The following KCNN3 variants were observed in gnomAD, a reference collection of about 807,000 sequenced individuals.
The protein encoded by KCNN3 is potassium calcium-activated channel subfamily N member 3.
Under a neutral mutation model 62.9 loss-of-function variants are expected in KCNN3, and 16 were observed. That is an observed-to-expected ratio of 0.25 (90% CI 0.17 to 0.39). The LOEUF (loss-of-function observed/expected upper bound fraction) is 0.39, where lower values mean the gene tolerates loss of function less well. Ranked by LOEUF, KCNN3 falls within the 10% of genes least tolerant of loss-of-function variation. KCNN3 has a pLI of 1.00. For missense variants in KCNN3, 599 were observed against 949.4 expected, an observed-to-expected ratio of 0.63 and a Z score of 4.85; for synonymous variants, 370 against 389.2, an observed-to-expected ratio of 0.95 and a Z score of 0.58.
At chr1:154,751,070 A>C (rs10908432) in intron 3 of KCNN3, among the ~76,000 whole-genome samples, 94,992 of 152,152 alleles carry the variant, frequency 0.62, 30,144 homozygotes, top group East Asian at 0.78. Flanking sequence ...TTCTCACCAC[A>C]TGCTGCCTCT....
At position 154,733,489 on chromosome 1, in the gene KCNN3, G is replaced by A. The variant is rs549537589; in HGVS notation, c.1449-345C>T. The stretch of plus-strand genomic sequence containing the variant: ...AAATTCAAATTTTCCCTTCCAAGCC[G>A]ACAGTCTAAATGTATGTGGATGTGA... On this transcript the variant is annotated intron_variant, in intron 3 of 7. Coordinates refer to ENST00000271915, the MANE Select transcript of KCNN3 (RefSeq NM_002249.6). Among the ~76,000 whole-genome samples the A allele has an allele frequency of 1.2e-4, 18 of 152,314 alleles. No individual in the cohort carries two copies. In the South Asian group the frequency reaches 1.9e-3, roughly 16 times the overall value.
intron 2 of KCNN3, among the ~76,000 whole-genome samples, chr1:154,791,123 G>A (rs912162467): frequency 4.0e-5 from 6 of 151,618 alleles, no homozygotes; most frequent in Admixed American, 6.6e-5. Flanking sequence ...CAGCTACTAG[G>A]GAGGCTGAGG....
intron 4 of KCNN3, among the ~76,000 whole-genome samples, chr1:154,726,755 T>C (rs1700475726): frequency 1.3e-5 from 2 of 152,174 alleles, no homozygotes; most frequent in South Asian, 4.1e-4. Flanking sequence ...ACACCACTTC[T>C]GCTGGATCAA....
chr1:154,842,852 G>C (rs1022214153), intron 1 of KCNN3, among the ~76,000 whole-genome samples: 1 of 152,162 alleles, frequency 6.6e-6, no homozygotes, highest in Non-Finnish European at 1.5e-5. Context: ...TGCAGAAGGG[G>C]CTTTGGAGTC....
intron 2 of KCNN3, among the ~76,000 whole-genome samples, chr1:154,814,156 G>A (rs1482506850): frequency 6.6e-6 from 1 of 152,262 alleles, no homozygotes; most frequent in Non-Finnish European, 1.5e-5. Context: ...GAAAGCACGG[G>A]CCAGATGCCA....
chr1:154,752,434 T>A (rs915520572), intron 3 of KCNN3, among the ~76,000 whole-genome samples: 2 of 152,192 alleles, frequency 1.3e-5, no homozygotes, highest in Admixed American at 1.3e-4. Flanking sequence ...TGGACAGCCA[T>A]GCCCAGCTGG....
chr1:154,814,554 A>G (rs965405123), intron 2 of KCNN3, among the ~76,000 whole-genome samples: 2 of 152,198 alleles, frequency 1.3e-5, no homozygotes, highest in Non-Finnish European at 2.9e-5. Context: ...TTCCTGGAGG[A>G]GGAAATATCT....
chr1:154,769,184 C>T lies in KCNN3; in HGVS notation c.1448+2791G>A, dbSNP rs1648436451. Among the ~76,000 whole-genome samples the T allele has an allele frequency of 2.0e-5, 3 of 152,168 alleles. No individual in the cohort carries two copies. The South Asian group carries it at 6.2e-4, about 32-fold the overall frequency. On this transcript the variant is annotated intron_variant, in intron 3 of 7. Transcript: ENST00000271915. ...CCTCCAGGACCCGGGCTCTCCTTCCCTCAGGCAAGGTACCTCTCTCATAGA... is the reference window on the plus strand; with the variant it reads ...CCTCCAGGACCCGGGCTCTCCTTCCTTCAGGCAAGGTACCTCTCTCATAGA...
At chr1:154,777,204 G>A (rs2101845689) in intron 2 of KCNN3, among the ~76,000 whole-genome samples, 1 of 152,070 alleles carries the variant, frequency 6.6e-6, no homozygotes, top group South Asian at 2.1e-4. Context: ...TAATTCTGTG[G>A]TTCTACACAG....
chr1:154,842,032 C>A (rs376201496), intron 1 of KCNN3, among the ~76,000 whole-genome samples: 1 of 152,192 alleles, frequency 6.6e-6, no homozygotes, highest in South Asian at 2.1e-4. Context: ...CTGGAGAGGG[C>A]GAGCCCAGGG....
At chr1:154,782,934 T>C (rs1294117321) in intron 2 of KCNN3, among the ~76,000 whole-genome samples, 4 of 152,194 alleles carry the variant, frequency 2.6e-5, no homozygotes, top group Non-Finnish European at 4.4e-5. Context: ...AAAACTCGGC[T>C]GGGCGCGGAG....
chr1:154,771,462 A>G (rs1648556512), intron 3 of KCNN3, among the ~76,000 whole-genome samples: 1 of 152,234 alleles, frequency 6.6e-6, no homozygotes, highest in Non-Finnish European at 1.5e-5. Context: ...TGGGAACTCT[A>G]ACAAGTTCCC....
chr1:154,851,615 C>A (rs944368788), intron 1 of KCNN3, among the ~76,000 whole-genome samples: 1 of 152,196 alleles, frequency 6.6e-6, no homozygotes, highest in Non-Finnish European at 1.5e-5. Context: ...CACTGCCTGA[C>A]CTGCACACCA....
At chr1:154,834,134 T>C (rs1651486175) in intron 1 of KCNN3, among the ~76,000 whole-genome samples, 1 of 152,234 alleles carries the variant, frequency 6.6e-6, no homozygotes, top group Non-Finnish European at 1.5e-5. Context: ...GGCACTTGTA[T>C]AATTCTTTCT....
Position 154,869,296 on chromosome 1 carries a change from G to A in KCNN3, c.669C>T (p.Ser223=), listed in dbSNP as rs761873426. 6.2e-7 allele frequency: 1 copy of A among 1,613,836 alleles called. No homozygotes were observed. The highest frequency in any genetic ancestry group is 2.2e-5 in the East Asian group (1 of 44,854). ...PSNPPEIVIS[S]REDNHAHQTL... ...TCTGGTGGGCATGGTTGTCCTCCCG[G>A]GAGGAGATGACGATCTCCGGGGGGT... is the stretch of plus-strand genomic sequence containing the variant. Residue 223 remains serine, a synonymous_variant, in exon 1 of 8, where the codon TCC becomes TCT. Coordinates refer to ENST00000271915, the MANE Select transcript of KCNN3 (RefSeq NM_002249.6). The surrounding 1 kb of genome is among the most constrained non-coding windows in gnomAD (Gnocchi z 6.1).
chr1:154,868,316 CCTCT>C, intron 1 of KCNN3: 1 of 986,276 alleles, frequency 1.0e-6, no homozygotes, highest in Non-Finnish European at 1.2e-6. Flanking sequence ...TATTCTGAGT[CCTCT>C]CTCCTGAGGG....
At chr1:154,756,066 A>AGAG (rs1647675897) in intron 3 of KCNN3, among the ~76,000 whole-genome samples, 3 of 135,042 alleles carry the variant, frequency 2.2e-5, no homozygotes, top group African/African-American at 9.2e-5. Flanking sequence ...AGGAAGAGGA[A>AGAG]GAAGAAGGAG....
chr1:154,829,265 A>C (rs1265258877), intron 1 of KCNN3, among the ~76,000 whole-genome samples: 1 of 152,244 alleles, frequency 6.6e-6, no homozygotes, highest in Admixed American at 6.5e-5. Context: ...CAGGAAGCCC[A>C]GGCTGAGGGA....
At position 154,834,780 on chromosome 1, in the gene KCNN3, G is replaced by A. The variant is rs201077302; in HGVS notation, c.934-12596C>T. On this transcript the variant is annotated intron_variant, in intron 1 of 7. Coordinates refer to ENST00000271915, the MANE Select transcript of KCNN3 (RefSeq NM_002249.6). ...ACGGAATGATTATACAATTTGCCAA[G>A]ATCACACAGCTGAACTGTGGGAGCC... Among the ~76,000 whole-genome samples, 9 of 152,296 alleles carry A rather than the reference G, an allele frequency of 5.9e-5. No homozygotes were observed. In the East Asian group the frequency reaches 1.5e-3, roughly 26 times the overall value.
Sources: allele counts gnomAD v4.1 joint callset (sites outside exome capture counted in the v4.1 genomes callset), GRCh38; gene constraint gnomAD v4.1.1; non-coding constraint Gnocchi (gnomAD v3.1); transcripts MANE v1.5; gene names NCBI Gene and HGNC (gene_info 2026-07-23, HGNC 2026-07-21).